The following MYO3B variants were observed in gnomAD, a reference collection of about 807,000 sequenced individuals.
The protein encoded by MYO3B is myosin-IIIb.
A neutral mutation model predicts 174.6 loss-of-function variants in MYO3B; 156 were observed. The observed-to-expected ratio is 0.89, with a 90% CI of 0.78 to 1.02. The LOEUF is 1.02. MYO3B is among the 50% of genes least tolerant of loss of function. MYO3B has a pLI of 0.00. For synonymous variants in MYO3B, 563 were observed against 569.1 expected (o/e 0.99, Z 0.15); for missense variants, 1,632 against 1,639.4 (o/e 1.00, Z 0.08).
At chr2:170,640,204 A>C in intron 32 of MYO3B, among the ~76,000 whole-genome samples, 1 of 152,198 alleles carries the variant, frequency 6.6e-6, no homozygotes. Context: ...TTAAATTAGG[A>C]TCTCCAGGGG....
chr2:170,333,966 G>A (rs1170064757), intron 7 of MYO3B: 1 of 152,214 alleles, frequency 6.6e-6, no homozygotes, highest in African/African-American at 2.4e-5. Context: ...TCTTAGTAAG[G>A]AAGATTAGGG....
Position 170,652,096 on chromosome 2 carries a change from C to T in MYO3B, c.3841-12C>T. On this transcript the variant is annotated splice_polypyrimidine_tract_variant and intron_variant, in intron 33 of 34. Transcript: ENST00000408978. ...CTTTGCTTTGACTGTGTGTTCTTGG[C>T]CCTCTCCACAGGGAACTCTAGAATA... is the stretch of plus-strand genomic sequence containing the variant. The T allele has an allele frequency of 5.0e-6, 8 of 1,610,692 alleles. No homozygotes were observed. Among genetic ancestry groups the T allele is most frequent in the Non-Finnish European group, 6.8e-6 (8 of 1,179,180 alleles).
At chr2:170,227,920 G>T (rs2092969784) in intron 6 of MYO3B, among the ~76,000 whole-genome samples, 1 of 152,092 alleles carries the variant, frequency 6.6e-6, no homozygotes, top group Non-Finnish European at 1.5e-5. Context: ...TTCCTGACTT[G>T]GTGTAATAAT....
At chr2:170,319,984 G>C (rs191396917) in intron 7 of MYO3B, among the ~76,000 whole-genome samples, 2 of 152,314 alleles carry the variant, frequency 1.3e-5, no homozygotes, top group East Asian at 1.9e-4. Context: ...GAGGTTGAGA[G>C]AACTTGTTGC....
At chr2:170,251,490 T>C (rs1346851987) in intron 7 of MYO3B, among the ~76,000 whole-genome samples, 1 of 152,162 alleles carries the variant, frequency 6.6e-6, no homozygotes, top group Non-Finnish European at 1.5e-5. Context: ...AAATAGGGTC[T>C]TTACAGAAGT....
chr2:170,214,746 C>T lies in MYO3B; in HGVS notation c.444C>T (p.His148=). Residue 148 remains histidine, a synonymous_variant, in exon 5 of 35, where the codon CAC becomes CAT. Coordinates refer to ENST00000408978, the MANE Select transcript of MYO3B (RefSeq NM_138995.5). The part of the protein sequence containing the change: ...YGALLGLQHL[H]NNRIIHRDVK... ...CCATGCAGGGCCTTCAGCATTTGCACAACAACCGAATCATCCACCGTGATG... is the reference window on the plus strand; with the variant it reads ...CCATGCAGGGCCTTCAGCATTTGCATAACAACCGAATCATCCACCGTGATG... 1 of 1,614,030 alleles carries T rather than the reference C, an allele frequency of 6.2e-7. No homozygotes were observed. The highest frequency in any genetic ancestry group is 1.1e-5 in the South Asian group (1 of 91,064).
chr2:170,622,874 C>A (rs190767998), intron 32 of MYO3B, among the ~76,000 whole-genome samples: 1 of 152,274 alleles, frequency 6.6e-6, no homozygotes, highest in East Asian at 1.9e-4. Flanking sequence ...TTTCCAGCTT[C>A]ATCCATGTCC....
intron 7 of MYO3B, among the ~76,000 whole-genome samples, chr2:170,309,267 A>C (rs1230056593): frequency 6.6e-6 from 1 of 152,244 alleles, no homozygotes; most frequent in African/African-American, 2.4e-5. Flanking sequence ...ATCATAAATT[A>C]CTGTGTGTAA....
chr2:170,298,710 T>C (rs1437090735), intron 7 of MYO3B, among the ~76,000 whole-genome samples: 4 of 149,052 alleles, frequency 2.7e-5, no homozygotes, highest in African/African-American at 9.9e-5. Flanking sequence ...ATTTCAAGCA[T>C]AGATACCCTG....
chr2:170,613,575 A>G (rs1471663124), intron 32 of MYO3B, among the ~76,000 whole-genome samples: 2 of 152,216 alleles, frequency 1.3e-5, no homozygotes, highest in Admixed American at 6.5e-5. Context: ...GATGGTTAAT[A>G]CTGAGTGTCA....
intron 32 of MYO3B, among the ~76,000 whole-genome samples, chr2:170,594,521 T>C (rs1403539668): frequency 6.6e-6 from 1 of 152,170 alleles, no homozygotes; most frequent in Admixed American, 6.5e-5. Flanking sequence ...CATTTGCAGC[T>C]AACAGACATC....
chr2:170,214,889 A>G, intron 5 of MYO3B, 61 bp downstream of exon 5: 3 of 1,273,888 alleles, frequency 2.4e-6, no homozygotes, highest in Admixed American at 3.4e-5. Context: ...GGGACAATTT[A>G]TTGCAATCTC....
intron 23 of MYO3B, among the ~76,000 whole-genome samples, chr2:170,460,487 C>CACAAA (rs1684217134): frequency 1.4e-5 from 1 of 73,682 alleles, no homozygotes; most frequent in Non-Finnish European, 2.3e-5. Flanking sequence ...GACTCCGTCT[C>CACAAA]AAAAAAAAAA....
intron 1 of MYO3B, among the ~76,000 whole-genome samples, chr2:170,192,736 T>C (rs28802949): frequency 0.34 from 51,068 of 151,388 alleles, 8,809 homozygotes; most frequent in Non-Finnish European, 0.39. Flanking sequence ...TTTTGCTTGA[T>C]AGTATCCTCA....
At chr2:170,575,641 A>T (rs1692739377) in intron 32 of MYO3B, among the ~76,000 whole-genome samples, 1 of 152,228 alleles carries the variant, frequency 6.6e-6, no homozygotes, top group Non-Finnish European at 1.5e-5. Flanking sequence ...GCCAATGGTC[A>T]TATCAACCCA....
At chr2:170,493,658 A>G (rs1686642931) in intron 25 of MYO3B, among the ~76,000 whole-genome samples, 1 of 152,220 alleles carries the variant, frequency 6.6e-6, no homozygotes, top group African/African-American at 2.4e-5. Flanking sequence ...ATCGAAGAAT[A>G]TAGAAGAAAT....
intron 1 of MYO3B, among the ~76,000 whole-genome samples, chr2:170,189,595 T>C (rs1481386491): frequency 1.3e-5 from 2 of 152,024 alleles, no homozygotes; most frequent in Non-Finnish European, 2.9e-5. Flanking sequence ...TTTCTTCTGC[T>C]TGATCAATTC....
intron 19 of MYO3B, 119 bp downstream of exon 19, chr2:170,403,114 G>A (rs1574923991): frequency 2.1e-6 from 2 of 965,086 alleles, no homozygotes; most frequent in South Asian, 3.0e-5. Flanking sequence ...AGAAAATAGG[G>A]TAAGGCAGTC....
intron 25 of MYO3B, among the ~76,000 whole-genome samples, chr2:170,474,204 A>G (rs1013920307): frequency 6.6e-6 from 1 of 152,138 alleles, no homozygotes; most frequent in Non-Finnish European, 1.5e-5. Flanking sequence ...GGATGCTCCT[A>G]TAGAAAGCAT....
Sources: allele counts gnomAD v4.1 joint callset (sites outside exome capture counted in the v4.1 genomes callset), GRCh38; gene constraint gnomAD v4.1.1; transcripts MANE v1.5; gene names NCBI Gene and HGNC (gene_info 2026-07-23, HGNC 2026-07-21).